The following TFDP2 variants were observed in gnomAD, a reference collection of about 807,000 sequenced individuals.
TFDP2 encodes the protein transcription factor Dp-2, also known as transcription factor Dp-2 (E2F dimerization partner 2).
A neutral mutation model predicts 59.3 loss-of-function variants in TFDP2; 17 were observed. The ratio of observed to expected loss-of-function variants is 0.29; its 90% CI spans 0.20 to 0.43. TFDP2 has a LOEUF of 0.43. Among genes scored for constraint, TFDP2 ranks in the 20% least tolerant of loss-of-function variants. TFDP2 has a pLI of 1.00. For synonymous variants in TFDP2, 180 were observed against 194.7 expected (o/e 0.92, Z 0.63); for missense variants, 391 against 528.8 (o/e 0.74, Z 2.56).
intron 3 of TFDP2, among the ~76,000 whole-genome samples, chr3:142,011,980 A>T (rs538657609): frequency 5.9e-5 from 9 of 152,062 alleles, no homozygotes; most frequent in Non-Finnish European, 1.2e-4. Flanking sequence ...AAATGCTTTA[A>T]AAATAATTCT....
intron 3 of TFDP2, among the ~76,000 whole-genome samples, chr3:142,017,840 C>T (rs1245324412): frequency 2.0e-5 from 3 of 152,104 alleles, no homozygotes; most frequent in Non-Finnish European, 2.9e-5. Flanking sequence ...CGTGAGCCAC[C>T]GCGCCCAGCC....
rs914020589 is a variant in TFDP2, at chr3:142,028,800, A to C, written c.83-23256T>G. The C allele has an allele frequency of 7.6e-6, 6 of 792,870 alleles. No homozygotes were observed. In the African/African-American group the frequency reaches 9.3e-5, roughly 12 times the overall value. The allele number at this position is 792,870 out of a possible 1,614,324, so 49.1% of individuals were successfully genotyped here. A position where few individuals can be genotyped will look rare whatever the true frequency, so the allele number is the denominator to read the frequency against. On this transcript the variant is annotated intron_variant, in intron 3 of 12. Transcript: ENST00000489671. The stretch of plus-strand genomic sequence containing the variant: ...ATACTGTTTACAACAAAGACATCTC[A>C]AAAGAAATTGAAAAGTGCAGGTCTT...
At chr3:141,977,089 C>CATATATATATATAT (rs1275287133) in intron 7 of TFDP2, among the ~76,000 whole-genome samples, 9 of 110,938 alleles carry the variant, frequency 8.1e-5, no homozygotes, top group African/African-American at 3.0e-4. Flanking sequence ...CAGTCATAGC[C>CATATATATATATAT]ATATATATAT....
At chr3:141,993,686 T>TA in intron 5 of TFDP2, 101 bp from the exon 6 acceptor site, 1 of 601,042 alleles carries the variant, frequency 1.7e-6, no homozygotes. Flanking sequence ...ACACTGAATA[T>TA]ATTCAAAGAC....
intron 9 of TFDP2, 65 bp downstream of exon 9, chr3:141,970,008 A>G: frequency 6.7e-7 from 1 of 1,496,010 alleles, no homozygotes; most frequent in Non-Finnish European, 9.3e-7. Flanking sequence ...TAGAAAACAC[A>G]CTGACTCCAA....
At chr3:142,060,430 T>C (rs1464786868) in intron 3 of TFDP2, among the ~76,000 whole-genome samples, 6 of 152,148 alleles carry the variant, frequency 3.9e-5, no homozygotes, top group Non-Finnish European at 8.8e-5. Context: ...AACCCAACAG[T>C]AGAATTTTTT....
chr3:142,033,538 C>T (rs979338559), intron 3 of TFDP2, among the ~76,000 whole-genome samples: 1 of 152,086 alleles, frequency 6.6e-6, no homozygotes, highest in Non-Finnish European at 1.5e-5. Flanking sequence ...TAAGGGAGGC[C>T]TACACGAGCT....
chr3:142,110,276 G>A (rs1203148054), intron 1 of TFDP2, among the ~76,000 whole-genome samples: 1 of 152,146 alleles, frequency 6.6e-6, no homozygotes, highest in East Asian at 1.9e-4. Context: ...GGCCAAGGCA[G>A]GCAGATCACC....
intron 3 of TFDP2, among the ~76,000 whole-genome samples, chr3:142,065,289 T>C (rs565094657): frequency 3.3e-5 from 5 of 151,748 alleles, no homozygotes; most frequent in African/African-American, 7.2e-5. Flanking sequence ...AGCAAGGAGC[T>C]GGGACTGCAC....
At chr3:142,028,670 G>A (rs943525780) in intron 3 of TFDP2, 22 of 985,232 alleles carry the variant, frequency 2.2e-5, no homozygotes, top group African/African-American at 1.6e-4. Context: ...TGTGTCAGAC[G>A]TAAGCAATCG....
In TFDP2 at chr3:141,945,512, G is replaced by A. The variant is rs1000857232; in HGVS notation, c.*7001C>T. The A allele has an allele frequency of 1.3e-5, 2 of 152,300 alleles. No individual in the cohort carries two copies. Among genetic ancestry groups the A allele is most frequent in the African/African-American group, 2.4e-5 (1 of 41,454 alleles). 9.4% of individuals were successfully genotyped at this position (152,300 alleles called of 1,614,324 possible). A position where few individuals can be genotyped will look rare whatever the true frequency, so the allele number is the denominator to read the frequency against. On this transcript the variant is annotated 3_prime_UTR_variant, in exon 13 of 13. Coordinates refer to ENST00000489671, the MANE Select transcript of TFDP2 (RefSeq NM_001178139.2). ...AACTCAGTACTGAAACGTGATCCCC[G>A]GAGTGCAGCCACCTGGGCAGCCAGT...
At chr3:141,966,658 T>A (rs1015098281) in intron 9 of TFDP2, among the ~76,000 whole-genome samples, 1 of 151,606 alleles carries the variant, frequency 6.6e-6, no homozygotes, top group Non-Finnish European at 1.5e-5. Flanking sequence ...CAGCTTTAAG[T>A]GTGTTCATTC....
chr3:142,058,319 GTTT>G (rs397876925), intron 3 of TFDP2, among the ~76,000 whole-genome samples: 1 of 137,628 alleles, frequency 7.3e-6, no homozygotes. Flanking sequence ...AAATGTTTGG[GTTT>G]TTTTTTTTTT....
In TFDP2 at chr3:141,945,776, C is replaced by T. The variant is rs1160613281; in HGVS notation, c.*6737G>A. On this transcript the variant is annotated 3_prime_UTR_variant, in exon 13 of 13. Transcript: ENST00000489671. ...AGTATGGTAAGTGACAAATGGCATG[C>T]ATTGAAGCACGACAAGGGATGAGTT... 1 of 152,242 alleles carries T rather than the reference C, an allele frequency of 6.6e-6. No homozygotes were observed. The highest frequency in any genetic ancestry group is 6.5e-5 in the Admixed American group (1 of 15,284). 9.4% of individuals were successfully genotyped at this position (152,242 alleles called of 1,614,324 possible).
intron 6 of TFDP2, among the ~76,000 whole-genome samples, chr3:141,979,925 T>TC (rs1941278604): frequency 6.6e-6 from 1 of 151,384 alleles, no homozygotes; most frequent in Non-Finnish European, 1.5e-5. Context: ...TTTTTTTTTT[T>TC]GGATTCAGGG....
At chr3:142,137,549 T>G (rs2062779759) in intron 1 of TFDP2, among the ~76,000 whole-genome samples, 1 of 152,206 alleles carries the variant, frequency 6.6e-6, no homozygotes, top group African/African-American at 2.4e-5. Context: ...TTGAGATACA[T>G]TCCATCAATA....
chr3:141,992,050 A>T (rs1168736619), intron 6 of TFDP2, among the ~76,000 whole-genome samples: 2 of 150,760 alleles, frequency 1.3e-5, no homozygotes, highest in African/African-American at 4.8e-5. Flanking sequence ...TCAAAAAAAA[A>T]AAAAAAGAAA....
intron 6 of TFDP2, 143 bp downstream of exon 6, chr3:141,993,395 A>G (rs543860573): frequency 1.2e-5 from 6 of 521,634 alleles, no homozygotes; most frequent in South Asian, 8.9e-5. Flanking sequence ...GGGGCACTCA[A>G]TGCAGAATGA....
chr3:142,065,794 C>T (rs1338862175), intron 3 of TFDP2, among the ~76,000 whole-genome samples: 13 of 151,840 alleles, frequency 8.6e-5, no homozygotes, highest in Non-Finnish European at 1.5e-5. Flanking sequence ...ATTTGGACAC[C>T]TGCCAAAGAA....
Sources: allele counts gnomAD v4.1 joint callset (sites outside exome capture counted in the v4.1 genomes callset), GRCh38; gene constraint gnomAD v4.1.1; transcripts MANE v1.5; gene names NCBI Gene and HGNC (gene_info 2026-07-23, HGNC 2026-07-21).